The following PCDH15 variants were observed in gnomAD, a reference collection of about 807,000 sequenced individuals.
The protein encoded by PCDH15 is protocadherin-15.
In PCDH15, 129 loss-of-function variants were observed where a neutral mutation model predicts 178.5. That is an observed-to-expected ratio of 0.72 (90% CI 0.63 to 0.84). PCDH15 has a LOEUF of 0.84. Ranked by LOEUF, PCDH15 falls within the 40% of genes least tolerant of loss-of-function variation. The pLI, the probability that PCDH15 is intolerant of heterozygous loss-of-function variation, is 0.00. For synonymous variants in PCDH15, 800 were observed against 732.0 expected (o/e 1.09, Z -1.50); for missense variants, 2,230 against 2,099.9 (o/e 1.06, Z -1.21).
intron 2 of PCDH15, among the ~76,000 whole-genome samples, chr10:55,565,102 C>T (rs920084082): frequency 5.3e-5 from 8 of 151,554 alleles, no homozygotes; most frequent in African/African-American, 9.7e-5. Flanking sequence ...ATGTGTTAGG[C>T]CACAAATTAC....
At chr10:54,912,421 T>A (rs1326633500) in intron 2 of PCDH15, among the ~76,000 whole-genome samples, 1 of 152,038 alleles carries the variant, frequency 6.6e-6, no homozygotes, top group Non-Finnish European at 1.5e-5. Context: ...AGCTGCTTGT[T>A]TAAAGGGTGG....
intron 1 of PCDH15, among the ~76,000 whole-genome samples, chr10:54,670,857 C>T (rs965789610): frequency 6.6e-6 from 1 of 152,088 alleles, no homozygotes; most frequent in East Asian, 1.9e-4. Flanking sequence ...TGCTATTGAG[C>T]ATGCACTACA....
chr10:54,657,201 T>C (rs545751376), intron 2 of PCDH15, among the ~76,000 whole-genome samples: 1 of 152,276 alleles, frequency 6.6e-6, no homozygotes, highest in Admixed American at 6.5e-5. Flanking sequence ...GGACAATGTA[T>C]ATTTAAACTG....
intron 2 of PCDH15, among the ~76,000 whole-genome samples, chr10:54,563,204 G>C (rs79262421): frequency 6.6e-6 from 1 of 152,000 alleles, no homozygotes; most frequent in African/African-American, 2.4e-5. Context: ...AAATAAATAC[G>C]TCTATATTAT....
intron 8 of PCDH15, among the ~76,000 whole-genome samples, chr10:54,288,528 C>G (rs1288921248): frequency 2.6e-5 from 4 of 152,114 alleles, no homozygotes; most frequent in Admixed American, 2.6e-4. Flanking sequence ...GTGGGTGCAG[C>G]CCACGGAGGG....
intron 1 of PCDH15, among the ~76,000 whole-genome samples, chr10:55,189,316 G>T (rs534548857): frequency 1.6e-4 from 24 of 151,930 alleles, no homozygotes; most frequent in Non-Finnish European, 2.7e-4. Flanking sequence ...AGCTCTCTTG[G>T]AATTTAAGTC....
chr10:54,224,690 A>G (rs151265656), intron 9 of PCDH15, among the ~76,000 whole-genome samples: 1 of 152,228 alleles, frequency 6.6e-6, no homozygotes, highest in East Asian at 1.9e-4. Flanking sequence ...TTTTGTATCA[A>G]GTTATCCCTA....
chr10:55,549,778 CT>C (rs1387088987), intron 2 of PCDH15, among the ~76,000 whole-genome samples: 8 of 152,068 alleles, frequency 5.3e-5, no homozygotes, highest in Non-Finnish European at 1.2e-4. Flanking sequence ...TGTTTTGTCA[CT>C]AATGTTGTCA....
chr10:55,492,137 T>C (rs1840432134), intron 2 of PCDH15, among the ~76,000 whole-genome samples: 1 of 151,670 alleles, frequency 6.6e-6, no homozygotes, highest in Non-Finnish European at 1.5e-5. Context: ...CTTGAAAAAT[T>C]TGTGCATGAG....
intron 2 of PCDH15, among the ~76,000 whole-genome samples, chr10:55,540,115 A>G (rs1841724305): frequency 6.6e-6 from 1 of 152,162 alleles, no homozygotes; most frequent in Non-Finnish European, 1.5e-5. Flanking sequence ...ACCAATTGAT[A>G]CAACTCAGAT....
At chr10:55,344,456 A>G (rs1844688896) in intron 2 of PCDH15, among the ~76,000 whole-genome samples, 1 of 152,134 alleles carries the variant, frequency 6.6e-6, no homozygotes, top group Admixed American at 6.6e-5. Context: ...GACTAGGACC[A>G]GAACAATGAG....
At chr10:54,853,033 G>A (rs1953654988) in intron 3 of PCDH15, among the ~76,000 whole-genome samples, 2 of 151,160 alleles carry the variant, frequency 1.3e-5, no homozygotes, top group Admixed American at 1.3e-4. Context: ...GGCCGAGGCA[G>A]GCAGATCACC....
intron 2 of PCDH15, among the ~76,000 whole-genome samples, chr10:54,976,740 A>C (rs867877006): frequency 3.5e-4 from 54 of 152,204 alleles, no homozygotes; most frequent in African/African-American, 1.3e-3. Flanking sequence ...TTCTGCCTAC[A>C]TCTTAGCAGA....
At chr10:53,852,952 C>T (rs2078482784) in intron 28 of PCDH15, among the ~76,000 whole-genome samples, 2 of 151,990 alleles carry the variant, frequency 1.3e-5, no homozygotes, top group South Asian at 2.1e-4. Context: ...CCGATGGCTA[C>T]CTGAGTTATG....
At chr10:53,816,842 T>C (rs1275495473) in intron 34 of PCDH15, among the ~76,000 whole-genome samples, 2 of 152,188 alleles carry the variant, frequency 1.3e-5, no homozygotes, top group African/African-American at 4.8e-5. Flanking sequence ...TCAGAATGAT[T>C]AGGAAAGTCA....
chr10:54,660,346 C>T (rs935089551), intron 2 of PCDH15, among the ~76,000 whole-genome samples: 1 of 151,846 alleles, frequency 6.6e-6, no homozygotes, highest in African/African-American at 2.4e-5. Context: ...TCTCTGTGAT[C>T]AAAAACGAGA....
chr10:53,888,253 C>A (rs1287921096), intron 26 of PCDH15, among the ~76,000 whole-genome samples: 10 of 117,456 alleles, frequency 8.5e-5, no homozygotes, highest in Non-Finnish European at 1.7e-4. Context: ...TATCTGTAGA[C>A]CAATTGGATA....
chr10:54,117,618 G>A (rs916728723), intron 15 of PCDH15, among the ~76,000 whole-genome samples: 1 of 152,106 alleles, frequency 6.6e-6, no homozygotes, highest in Admixed American at 6.5e-5. Context: ...GGGTGAGCAA[G>A]GCAGAGAGGA....
chr10:54,030,129 G>C (rs1367055325), intron 18 of PCDH15, among the ~76,000 whole-genome samples: 1 of 152,006 alleles, frequency 6.6e-6, no homozygotes, highest in Non-Finnish European at 1.5e-5. Context: ...CTATTATAAA[G>C]GTGTGAACTA....
Sources: allele counts gnomAD v4.1 joint callset (sites outside exome capture counted in the v4.1 genomes callset), GRCh38; gene constraint gnomAD v4.1.1; transcripts MANE v1.5; gene names NCBI Gene and HGNC (gene_info 2026-07-23, HGNC 2026-07-21).